Variants in KDM4C observed in about 807,000 individuals in gnomAD.
The protein encoded by KDM4C is lysine demethylase 4C.
KDM4C carries 81 observed loss-of-function variants against 129.3 expected under a neutral mutation model. The observed-to-expected ratio is 0.63, with a 90% CI of 0.52 to 0.75. The LOEUF (loss-of-function observed/expected upper bound fraction) is 0.75. Among genes scored for constraint, KDM4C ranks in the 30% least tolerant of loss-of-function variants. The pLI is 0.00. For synonymous variants in KDM4C, 573 were observed against 456.1 expected (o/e 1.26, Z -3.26); for missense variants, 1,457 against 1,304.0 (o/e 1.12, Z -1.81).
At chr9:6,896,801 CAG>C (rs1563776244) in intron 8 of KDM4C, among the ~76,000 whole-genome samples, 1 of 152,070 alleles carries the variant, frequency 6.6e-6, no homozygotes, top group Non-Finnish European at 1.5e-5. Context: ...TCTATGAGAA[CAG>C]GGGTGAGAGT....
intron 12 of KDM4C, among the ~76,000 whole-genome samples, chr9:7,004,941 A>G (rs58784213): frequency 0.016 from 2,377 of 152,342 alleles, 67 homozygotes; most frequent in African/African-American, 0.055. Flanking sequence ...ACACACAGAT[A>G]GTCTGCTTTG....
chr9:7,062,633 C>T (rs1281611293), intron 17 of KDM4C, among the ~76,000 whole-genome samples: 1 of 152,062 alleles, frequency 6.6e-6, no homozygotes, highest in Admixed American at 6.5e-5. Context: ...ATCCTCCTAC[C>T]TTAGCCTCCC....
intron 1 of KDM4C, among the ~76,000 whole-genome samples, chr9:6,748,450 G>T (rs12335832): frequency 0.31 from 47,295 of 151,170 alleles, 8,508 homozygotes; most frequent in African/African-American, 0.49. Flanking sequence ...GAGGTTGCGG[G>T]GAGCTGAGAT....
At chr9:6,728,136 C>T (rs1317193411) in intron 1 of KDM4C, among the ~76,000 whole-genome samples, 1 of 149,522 alleles carries the variant, frequency 6.7e-6, no homozygotes, top group African/African-American at 2.5e-5. Context: ...TGGGAACCAT[C>T]CCAATCAGGG....
Position 7,103,876 on chromosome 9 carries a change from A to G in KDM4C, c.2610+6A>G. 1 of 1,613,234 alleles carries G rather than the reference A, an allele frequency of 6.2e-7. No individual in the cohort carries two copies. Among genetic ancestry groups the G allele is most frequent in the Middle Eastern group, 1.7e-4 (1 of 6,026 alleles). On this transcript the variant is annotated splice_donor_region_variant and intron_variant, in intron 18 of 21. Transcript: ENST00000381309. The stretch of plus-strand genomic sequence containing the variant: ...ATAAGGTCAACCCCAACGTGGTAAG[A>G]TGTGCCCTCCCTTCCTCAGTGCTAA...
chr9:7,162,430 G>A (rs191886531), intron 19 of KDM4C, among the ~76,000 whole-genome samples: 1 of 152,322 alleles, frequency 6.6e-6, no homozygotes, highest in Non-Finnish European at 1.5e-5. Context: ...TTTCCTGTGA[G>A]TGAAAGGTGA....
chr9:6,750,237 G>C (rs889246626), intron 1 of KDM4C, among the ~76,000 whole-genome samples: 1 of 151,802 alleles, frequency 6.6e-6, no homozygotes, highest in Non-Finnish European at 1.5e-5. Context: ...TCAGGAGTTC[G>C]AGACCAGCCT....
intron 21 of KDM4C, 40 bp from the exon 22 acceptor site, chr9:7,174,513 A>C: frequency 6.3e-7 from 1 of 1,597,196 alleles, no homozygotes; most frequent in Non-Finnish European, 8.6e-7. Flanking sequence ...TGAAGATCAA[A>C]TGCCGTGCCC....
chr9:7,172,075 T>C (rs1055894146), intron 21 of KDM4C, among the ~76,000 whole-genome samples: 12 of 151,654 alleles, frequency 7.9e-5, no homozygotes, highest in Admixed American at 7.9e-4. Context: ...CCATGATTAT[T>C]ACTATTTTTT....
intron 1 of KDM4C, among the ~76,000 whole-genome samples, chr9:6,724,673 G>A (rs1481391343): frequency 2.0e-5 from 3 of 152,076 alleles, no homozygotes; most frequent in African/African-American, 4.8e-5. Context: ...TGGTACTACA[G>A]GCACGCACCA....
intron 8 of KDM4C, among the ~76,000 whole-genome samples, chr9:6,923,121 C>G (rs996739748): frequency 1.3e-5 from 2 of 152,082 alleles, no homozygotes; most frequent in African/African-American, 4.8e-5. Context: ...TGTTTTTACT[C>G]TTTACGGGTT....
intron 8 of KDM4C, among the ~76,000 whole-genome samples, chr9:6,951,015 T>G (rs985105253): frequency 1.7e-4 from 26 of 152,268 alleles, no homozygotes; most frequent in African/African-American, 6.3e-4. Context: ...ATTCATTCTT[T>G]AACATTTTTA....
At chr9:6,839,492 G>A (rs1806847306) in intron 4 of KDM4C, among the ~76,000 whole-genome samples, 1 of 148,478 alleles carries the variant, frequency 6.7e-6, no homozygotes, top group Middle Eastern at 3.3e-3. Flanking sequence ...CTCCCGCCTC[G>A]GCCTCCCAAA....
At chr9:6,771,275 T>C (rs549409814) in intron 1 of KDM4C, among the ~76,000 whole-genome samples, 17 of 151,292 alleles carry the variant, frequency 1.1e-4, no homozygotes, top group Middle Eastern at 3.5e-3. Flanking sequence ...GCGTATTAAA[T>C]TGTCTTGAAA....
intron 15 of KDM4C, among the ~76,000 whole-genome samples, chr9:7,034,910 A>G (rs988696560): frequency 1.3e-5 from 2 of 152,070 alleles, no homozygotes; most frequent in African/African-American, 4.8e-5. Flanking sequence ...TTTGATTTAC[A>G]TTTCCCTGGT....
At chr9:6,762,140 G>A (rs1187552266) in intron 1 of KDM4C, among the ~76,000 whole-genome samples, 1 of 151,926 alleles carries the variant, frequency 6.6e-6, no homozygotes, top group African/African-American at 2.4e-5. Context: ...GGGTACATGT[G>A]CGCAACGTGC....
chr9:6,810,590 C>T (rs530029169), intron 3 of KDM4C, among the ~76,000 whole-genome samples: 173 of 151,984 alleles, frequency 1.1e-3, no homozygotes, highest in African/African-American at 4.0e-3. Flanking sequence ...AGTTAATTTA[C>T]GCTGGGTACA....
intron 15 of KDM4C, among the ~76,000 whole-genome samples, chr9:7,038,554 C>G (rs945019322): frequency 6.6e-6 from 1 of 151,608 alleles, no homozygotes; most frequent in Non-Finnish European, 1.5e-5. Flanking sequence ...TTTGACATTA[C>G]AAATAAAATT....
intron 15 of KDM4C, among the ~76,000 whole-genome samples, chr9:7,032,381 C>T (rs1395869522): frequency 6.6e-6 from 1 of 152,152 alleles, no homozygotes; most frequent in Admixed American, 6.5e-5. Context: ...CCCTGTCCAA[C>T]CTCCCAAATA....
Sources: allele counts gnomAD v4.1 joint callset (sites outside exome capture counted in the v4.1 genomes callset), GRCh38; gene constraint gnomAD v4.1.1; transcripts MANE v1.5; gene names NCBI Gene and HGNC (gene_info 2026-07-23, HGNC 2026-07-21).